WFDC11: variants seen among roughly 807,000 people sequenced by gnomAD.
WFDC11 encodes the protein WAP four-disulfide core domain 11, also known as protein WFDC11.
WFDC11 carries 9 observed loss-of-function variants against 9.9 expected under a neutral mutation model. The observed-to-expected ratio is 0.91, with a 90% CI of 0.55 to 1.58. The LOEUF is 1.58. Ranked by LOEUF, WFDC11 falls within the 40% of genes most tolerant of loss-of-function variation. WFDC11 has a pLI of 0.00. For missense variants in WFDC11, 106 were observed against 101.7 expected, an observed-to-expected ratio of 1.04 and a Z score of -0.18; for synonymous variants, 32 against 33.3, an observed-to-expected ratio of 0.96 and a Z score of 0.13.
At chr20:45,658,907 A>AC (rs373884229) in intron 2 of WFDC11, among the ~76,000 whole-genome samples, 18,206 of 130,956 alleles carry the variant, frequency 0.14, 1,231 homozygotes, top group South Asian at 0.27. Context: ...TGTGATGCCC[A>AC]CCCCCCCGTC....
chr20:45,650,131 T>TTAGCTAATCCTG (rs1189868012), intron 3 of WFDC11, among the ~76,000 whole-genome samples: 1 of 152,040 alleles, frequency 6.6e-6, no homozygotes, highest in Non-Finnish European at 1.5e-5. Context: ...AGCTACAGGA[T>TTAGCTAATCCTG]TAGCTCTATA....
chr20:45,661,662 T>C (rs920298957), intron 2 of WFDC11, among the ~76,000 whole-genome samples: 6 of 152,188 alleles, frequency 3.9e-5, no homozygotes, highest in Non-Finnish European at 8.8e-5. Flanking sequence ...CAGCACCATT[T>C]ATTAAATAGG....
intron 2 of WFDC11, among the ~76,000 whole-genome samples, chr20:45,657,663 C>A (rs1205258312): frequency 6.6e-6 from 1 of 152,174 alleles, no homozygotes; most frequent in Non-Finnish European, 1.5e-5. Flanking sequence ...TGAACAAGTA[C>A]ACTATTCTTC....
intron 2 of WFDC11, among the ~76,000 whole-genome samples, chr20:45,652,868 G>C (rs947453335): frequency 1.3e-5 from 2 of 152,160 alleles, no homozygotes; most frequent in Non-Finnish European, 2.9e-5. Flanking sequence ...GAAGCGAGAA[G>C]AGAAGTTTAG....
At chr20:45,652,247 C>T (rs1185639456) in intron 2 of WFDC11, among the ~76,000 whole-genome samples, 4 of 152,158 alleles carry the variant, frequency 2.6e-5, no homozygotes, top group East Asian at 1.9e-4. Flanking sequence ...TCCAGAGGAA[C>T]GATCAGGCAG....
chr20:45,664,713 ATTCTT>A (rs1983150933), intron 2 of WFDC11, among the ~76,000 whole-genome samples: 1 of 152,150 alleles, frequency 6.6e-6, no homozygotes, highest in Non-Finnish European at 1.5e-5. Flanking sequence ...TGGATTGAAA[ATTCTT>A]TTCTTTAAGA....
intron 2 of WFDC11, among the ~76,000 whole-genome samples, chr20:45,653,321 C>A (rs2145616733): frequency 6.6e-6 from 1 of 152,090 alleles, no homozygotes; most frequent in Admixed American, 6.6e-5. Context: ...TCATATCCAG[C>A]CAAACTAAGC....
intron 2 of WFDC11, among the ~76,000 whole-genome samples, chr20:45,654,473 A>T (rs1473351282): frequency 6.6e-6 from 1 of 152,230 alleles, no homozygotes; most frequent in Non-Finnish European, 1.5e-5. Context: ...CCCACAAGAG[A>T]GAGCAGGAAA....
chr20:45,660,943 G>A (rs1358682734), intron 2 of WFDC11, among the ~76,000 whole-genome samples: 2 of 152,134 alleles, frequency 1.3e-5, no homozygotes, highest in Non-Finnish European at 2.9e-5. Context: ...GTAATGGGAT[G>A]GCTGGGTCAA....
chr20:45,651,263 G>A (rs900255444), intron 2 of WFDC11, among the ~76,000 whole-genome samples: 1 of 152,160 alleles, frequency 6.6e-6, no homozygotes, highest in Non-Finnish European at 1.5e-5. Flanking sequence ...TATAGAGAGG[G>A]TCCTTAACTT....
intron 2 of WFDC11, among the ~76,000 whole-genome samples, chr20:45,661,365 G>C (rs913769784): frequency 1.3e-5 from 2 of 151,602 alleles, no homozygotes; most frequent in East Asian, 3.9e-4. Flanking sequence ...CATTTTGTAG[G>C]TTGCCTGTTC....
At chr20:45,665,484 A>G (rs1983168910) in intron 2 of WFDC11, among the ~76,000 whole-genome samples, 1 of 152,144 alleles carries the variant, frequency 6.6e-6, no homozygotes, top group Non-Finnish European at 1.5e-5. Flanking sequence ...GATCATTTGG[A>G]GGAGAAGAGG....
In WFDC11 at chr20:45,648,717, T is replaced by G. The variant is rs1472411061; in HGVS notation, c.*2A>C. On this transcript the variant is annotated 3_prime_UTR_variant, in exon 5 of 5. Coordinates refer to ENST00000324384, the MANE Select transcript of WFDC11 (RefSeq NM_147197.2). ...GTGGCAGCCTGGTGGGAAGCTACGG[T>G]TTTAGTAATCTCCACTGGTTTCCTG... 3.7e-6 allele frequency: 6 copies of G among 1,613,978 alleles called. No homozygotes were observed. The South Asian group carries it at 6.6e-5, about 18-fold the overall frequency.
At chr20:45,654,339 C>A (rs1024441562) in intron 2 of WFDC11, among the ~76,000 whole-genome samples, 2 of 152,052 alleles carry the variant, frequency 1.3e-5, no homozygotes, top group Non-Finnish European at 2.9e-5. Flanking sequence ...CTACTGGGTA[C>A]ATAACAAAAT....
chr20:45,664,347 CA>C (rs1156479905), intron 2 of WFDC11, among the ~76,000 whole-genome samples: 2 of 152,164 alleles, frequency 1.3e-5, no homozygotes, highest in Admixed American at 1.3e-4. Flanking sequence ...CTGATTATAG[CA>C]CACTGATGGG....
chr20:45,648,933 C>T (rs1982742936), intron 4 of WFDC11, among the ~76,000 whole-genome samples, 194 bp from the exon 5 acceptor site: 1 of 152,076 alleles, frequency 6.6e-6, no homozygotes, highest in South Asian at 2.1e-4. Context: ...CCTGGCTGAG[C>T]CAAATGGCCC....
intron 2 of WFDC11, among the ~76,000 whole-genome samples, chr20:45,657,981 T>C (rs943253809): frequency 3.3e-5 from 5 of 152,214 alleles, no homozygotes; most frequent in Non-Finnish European, 7.3e-5. Flanking sequence ...GATATAAATA[T>C]AGATTTTTTA....
rs1885767951 is a variant in WFDC11, at chr20:45,650,641, C to A, written c.-41G>T. Reference sequence around the variant, plus strand: ...TGTTGTCAGAAGGATTATTTTTCTTCCCAGTCGCTGCTAGAGATCAAGACA... The same window carrying A: ...TGTTGTCAGAAGGATTATTTTTCTTACCAGTCGCTGCTAGAGATCAAGACA... On this transcript the variant is annotated 5_prime_UTR_variant, in exon 3 of 5. Coordinates refer to ENST00000324384, the MANE Select transcript of WFDC11 (RefSeq NM_147197.2). 5.9e-6 allele frequency: 9 copies of A among 1,535,286 alleles called. No homozygotes were observed. Among genetic ancestry groups the A allele is most frequent in the Non-Finnish European group, 8.1e-6 (9 of 1,108,802 alleles).
chr20:45,664,357 G>T (rs78519976), intron 2 of WFDC11, among the ~76,000 whole-genome samples: 3,837 of 152,040 alleles, frequency 0.025, 135 homozygotes, highest in African/African-American at 0.083. Flanking sequence ...CACACTGATG[G>T]GTCTTAACTC....
Sources: allele counts gnomAD v4.1 joint callset (sites outside exome capture counted in the v4.1 genomes callset), GRCh38; gene constraint gnomAD v4.1.1; transcripts MANE v1.5; gene names NCBI Gene and HGNC (gene_info 2026-07-23, HGNC 2026-07-21).